TAFA2: variants seen among roughly 807,000 people sequenced by gnomAD.
TAFA2 encodes the protein TAFA chemokine like family member 2, also known as chemokine-like protein TAFA-2.
Under a neutral mutation model 18.8 loss-of-function variants are expected in TAFA2, and 7 were observed. The ratio of observed to expected loss-of-function variants is 0.37; its 90% CI spans 0.21 to 0.70. TAFA2 has a LOEUF of 0.70. Among genes scored for constraint, TAFA2 ranks in the 30% least tolerant of loss-of-function variants. The probability of loss-of-function intolerance (pLI) is 0.53; values close to 1 mark genes in which losing one functional copy is unlikely to be tolerated. For synonymous variants in TAFA2, 60 were observed against 54.2 expected, an observed-to-expected ratio of 1.11 and a Z score of -0.47; for missense variants, 122 against 158.1, an observed-to-expected ratio of 0.77 and a Z score of 1.23.
At chr12:61,929,635 C>A (rs1877468186) in intron 1 of TAFA2, among the ~76,000 whole-genome samples, 1 of 151,430 alleles carries the variant, frequency 6.6e-6, no homozygotes, top group Non-Finnish European at 1.5e-5. Context: ...TACCATTTGA[C>A]CCAGCCATCC....
At chr12:61,808,290 C>T (rs976781198) in intron 2 of TAFA2, among the ~76,000 whole-genome samples, 2 of 151,582 alleles carry the variant, frequency 1.3e-5, no homozygotes, top group Non-Finnish European at 2.9e-5. Flanking sequence ...CCATGTGAGA[C>T]ATGCCTTTCA....
chr12:61,937,358 C>T (rs1877812574), intron 1 of TAFA2, among the ~76,000 whole-genome samples: 1 of 151,960 alleles, frequency 6.6e-6, no homozygotes, highest in Admixed American at 6.6e-5. Context: ...GCAATCCTAA[C>T]CTAAAAGAAC....
At chr12:61,913,252 A>G (rs143721803) in intron 1 of TAFA2, among the ~76,000 whole-genome samples, 160 of 152,320 alleles carry the variant, frequency 1.1e-3, no homozygotes, top group Middle Eastern at 0.01. Context: ...GGTGTTAGAA[A>G]GAAAATTGAC....
chr12:62,128,843 A>G (rs566413183), intron 1 of TAFA2, among the ~76,000 whole-genome samples: 1 of 152,232 alleles, frequency 6.6e-6, no homozygotes, highest in Non-Finnish European at 1.5e-5. Flanking sequence ...GTCACATAAC[A>G]GGCAGTTTCT....
chr12:62,194,179 T>C (rs541944935), upstream of TAFA2, among the ~76,000 whole-genome samples: 1 of 152,170 alleles, frequency 6.6e-6, no homozygotes, highest in African/African-American at 2.4e-5. Flanking sequence ...AATCTTACAG[T>C]ATTTTTTTGT....
intron 1 of TAFA2, among the ~76,000 whole-genome samples, chr12:61,897,800 A>C (rs1875917836): frequency 6.6e-6 from 1 of 152,184 alleles, no homozygotes; most frequent in Non-Finnish European, 1.5e-5. Flanking sequence ...TTTCATTTCA[A>C]AACCTATCAT....
chr12:62,121,813 C>T (rs1453877125), intron 1 of TAFA2, among the ~76,000 whole-genome samples: 1 of 152,176 alleles, frequency 6.6e-6, no homozygotes, highest in African/African-American at 2.4e-5. Context: ...ATATTCTGTC[C>T]ATGGTTCAAA....
intron 2 of TAFA2, among the ~76,000 whole-genome samples, chr12:61,771,556 T>A (rs971620387): frequency 5.3e-5 from 8 of 151,928 alleles, no homozygotes; most frequent in Non-Finnish European, 7.4e-5. Flanking sequence ...GAAATAAAAC[T>A]GGAAAGCAAC....
chr12:61,776,727 A>G (rs1870278141), intron 2 of TAFA2, among the ~76,000 whole-genome samples: 1 of 151,846 alleles, frequency 6.6e-6, no homozygotes, highest in Non-Finnish European at 1.5e-5. Context: ...TCTATGTTCA[A>G]TTTTAATAAA....
At chr12:62,217,446 C>T (rs2062740293) in intron 1 of TAFA2, among the ~76,000 whole-genome samples, 1 of 152,178 alleles carries the variant, frequency 6.6e-6, no homozygotes. Context: ...AGAGAAAAGA[C>T]AAAGAGTCTA....
At chr12:61,819,765 C>A (rs1872243943) in intron 2 of TAFA2, among the ~76,000 whole-genome samples, 1 of 152,074 alleles carries the variant, frequency 6.6e-6, no homozygotes, top group Non-Finnish European at 1.5e-5. Flanking sequence ...GAAACAACTT[C>A]TGGTTTCCAT....
chr12:62,019,481 T>C (rs923380351), intron 1 of TAFA2, among the ~76,000 whole-genome samples: 4 of 150,570 alleles, frequency 2.7e-5, no homozygotes, highest in Non-Finnish European at 5.9e-5. Context: ...CATGGAATAC[T>C]ATGCAGCCAT....
In TAFA2 at chr12:61,945,016, A is replaced by C. The variant is rs1334925936; in HGVS notation, c.-1-77590T>G. ...AGACACAACCAAAAAAGAGAATTTT[A>C]GACCAATATCCTTGATGAACACTGA... is the stretch of plus-strand genomic sequence containing the variant. On this transcript the variant is annotated intron_variant, in intron 1 of 4. Coordinates refer to ENST00000416284, the MANE Select transcript of TAFA2 (RefSeq NM_178539.5). Among the ~76,000 whole-genome samples, 347 of 151,098 alleles carry C rather than the reference A, an allele frequency of 2.3e-3. 3 individuals carry two copies. Among genetic ancestry groups the C allele is most frequent in the African/African-American group, 8.1e-3 (331 of 40,882 alleles).
rs77794590 is a variant in TAFA2 at position 61,881,384 on chromosome 12, C to G, written c.-1-13958G>C. On this transcript the variant is annotated intron_variant, in intron 1 of 4. Coordinates refer to ENST00000416284, the MANE Select transcript of TAFA2 (RefSeq NM_178539.5). ...TTAGGATAATCTATTGCTCCTAGGT[C>G]ACAAACTTGTAGGCAACTGTAACAC... 7.2e-3 allele frequency among the ~76,000 whole-genome samples: 1,092 copies of G among 152,236 alleles called. 7 individuals carry two copies. Among genetic ancestry groups the G allele is most frequent in the Non-Finnish European group, 0.012 (794 of 67,992 alleles).
intron 1 of TAFA2, among the ~76,000 whole-genome samples, chr12:62,017,100 G>A (rs930838920): frequency 6.6e-6 from 1 of 152,072 alleles, no homozygotes; most frequent in South Asian, 2.1e-4. Flanking sequence ...GCCCTATAAA[G>A]TAAATACTAT....
At chr12:61,972,453 T>C (rs1879281803) in intron 1 of TAFA2, among the ~76,000 whole-genome samples, 1 of 151,520 alleles carries the variant, frequency 6.6e-6, no homozygotes, top group South Asian at 2.1e-4. Context: ...CTTTCCAAAG[T>C]TTTATGAGCC....
At chr12:61,920,394 T>G (rs1329653322) in intron 1 of TAFA2, among the ~76,000 whole-genome samples, 1 of 152,162 alleles carries the variant, frequency 6.6e-6, no homozygotes, top group African/African-American at 2.4e-5. Flanking sequence ...CCAGGGAAGT[T>G]TTAAGGCCAT....
chr12:61,990,371 G>A (rs1396457809), intron 1 of TAFA2, among the ~76,000 whole-genome samples: 2 of 117,774 alleles, frequency 1.7e-5, no homozygotes, highest in Non-Finnish European at 3.3e-5. Flanking sequence ...GCAGAGTCTC[G>A]CTCTTTTGCC....
chr12:61,764,257 T>TAGATAGATAGAC (rs1208963070), intron 2 of TAFA2, among the ~76,000 whole-genome samples: 1 of 152,006 alleles, frequency 6.6e-6, no homozygotes, highest in Admixed American at 6.6e-5. Context: ...GATAGATAGA[T>TAGATAGATAGAC]AGATTTTTAA....
Sources: gnomAD v4.1 joint callset for allele counts (sites outside exome capture counted in the v4.1 genomes callset) on GRCh38, gnomAD v4.1.1 for gene constraint, MANE v1.5 for transcripts, NCBI Gene and HGNC (gene_info 2026-07-23, HGNC 2026-07-21) for gene names.